Variants in GRK7 observed in about 807,000 individuals in gnomAD.
GRK7 encodes the protein G protein-coupled receptor kinase 7, also known as rhodopsin kinase GRK7.
A neutral mutation model predicts 34.1 loss-of-function variants in GRK7; 24 were observed. That is an observed-to-expected ratio of 0.70 (90% CI 0.51 to 0.99). The LOEUF is 0.99. Ranked by LOEUF, GRK7 falls within the 50% of genes least tolerant of loss-of-function variation. The pLI, the probability that GRK7 is intolerant of heterozygous loss-of-function variation, is 0.00. For missense variants in GRK7, 644 were observed against 707.3 expected, an observed-to-expected ratio of 0.91 and a Z score of 1.02; for synonymous variants, 256 against 279.4, an observed-to-expected ratio of 0.92 and a Z score of 0.84.
the GRK7 span, among the ~76,000 whole-genome samples, chr3:141,750,029 AG>A: frequency 1.3e-5 from 2 of 151,616 alleles, no homozygotes; most frequent in Non-Finnish European, 2.9e-5. Context: ...AAAAAAAAAA[AG>A]AAATATGAAT....
At chr3:141,773,707 C>T (rs996714136) in intron 1 of GRK7, among the ~76,000 whole-genome samples, 1 of 152,178 alleles carries the variant, frequency 6.6e-6, no homozygotes, top group African/African-American at 2.4e-5. Context: ...AGCCACCGCG[C>T]CCGGCCTGAT....
chr3:141,808,681 C>G (rs1559848008), intron 5 of GRK7, among the ~76,000 whole-genome samples: 2 of 151,932 alleles, frequency 1.3e-5, no homozygotes, highest in South Asian at 4.1e-4. Flanking sequence ...CCACTGCACT[C>G]CAGCCTGGGT....
intron 2 of GRK7, among the ~76,000 whole-genome samples, chr3:141,777,105 C>T (rs1454245533): frequency 6.6e-6 from 1 of 151,972 alleles, no homozygotes; most frequent in Non-Finnish European, 1.5e-5. Flanking sequence ...TGGCTCCACG[C>T]GAAGGCTCCT....
intron 4 of GRK7, among the ~76,000 whole-genome samples, chr3:141,806,378 C>T (rs772975000): frequency 6.6e-6 from 1 of 152,050 alleles, no homozygotes; most frequent in Non-Finnish European, 1.5e-5. Context: ...GCCTGGCCAA[C>T]ATGGTGAAAC....
chr3:141,767,792 A>AC (rs1345315084), intron 1 of GRK7, among the ~76,000 whole-genome samples: 1 of 152,052 alleles, frequency 6.6e-6, no homozygotes, highest in Non-Finnish European at 1.5e-5. Flanking sequence ...AGATTCTTTT[A>AC]CCCCCAAGCT....
At chr3:141,807,589 A>T in intron 4 of GRK7, 56 bp from the exon 5 acceptor site, 1 of 1,493,768 alleles carries the variant, frequency 6.7e-7, no homozygotes, top group Non-Finnish European at 9.3e-7. Flanking sequence ...TGTCTGCTAC[A>T]CTCACCTTAG....
Position 141,778,822 on chromosome 3 carries a change from C to T in GRK7, c.538C>T (p.Leu180Phe). The T allele has an allele frequency of 6.2e-7, 1 of 1,611,768 alleles. No homozygotes were observed. ...CTACGACAAGTTTCTGCAGTGGAAA[C>T]TCTTCGAGATGCAACCAGTGTCAGA... ...AFYDKFLQWK[L>F]FEMQPVSDKY... The change falls in exon 3 of 6, where the codon CTC becomes TTC. Residue 180 changes from leucine (L) to phenylalanine (F), a missense_variant. By Grantham distance (22) the Leu-to-Phe change is conservative. Transcript: ENST00000682958. This position sits in a 1 kb window ranked among gnomAD's most constrained non-coding sequence, Gnocchi z 4.1.
chr3:141,782,265 T>C (rs2084675347), intron 4 of GRK7, among the ~76,000 whole-genome samples: 1 of 152,198 alleles, frequency 6.6e-6, no homozygotes, highest in African/African-American at 2.4e-5. Context: ...TGGGGGTCTG[T>C]ACAGGACAGT....
intron 1 of GRK7, among the ~76,000 whole-genome samples, chr3:141,769,109 C>G (rs2084603867): frequency 6.6e-6 from 1 of 152,154 alleles, no homozygotes; most frequent in Non-Finnish European, 1.5e-5. Flanking sequence ...CCAGACCCTT[C>G]TATCCCACTG....
At chr3:141,810,170 A>C (rs1204394913) in intron 5 of GRK7, among the ~76,000 whole-genome samples, 4 of 152,206 alleles carry the variant, frequency 2.6e-5, no homozygotes, top group African/African-American at 9.6e-5. Context: ...CTTTGGAGTC[A>C]AACTGCAATC....
At chr3:141,768,635 C>T (rs562377096) in intron 1 of GRK7, among the ~76,000 whole-genome samples, 7 of 152,076 alleles carry the variant, frequency 4.6e-5, no homozygotes, top group African/African-American at 1.2e-4. Flanking sequence ...TCCCATCTCT[C>T]GCAACCCCTC....
At chr3:141,756,194 C>G in the GRK7 span, among the ~76,000 whole-genome samples, 1 of 152,010 alleles carries the variant, frequency 6.6e-6, no homozygotes, top group Non-Finnish European at 1.5e-5. Flanking sequence ...TGCCTGTGAT[C>G]CTAGCTACTC....
At chr3:141,774,982 G>A (rs913989288) in intron 2 of GRK7, among the ~76,000 whole-genome samples, 5 of 151,910 alleles carry the variant, frequency 3.3e-5, no homozygotes, top group African/African-American at 9.7e-5. Flanking sequence ...TAGCAGAGAC[G>A]GGGTTTCGCC....
chr3:141,776,801 CCT>C (rs201666220), intron 2 of GRK7, among the ~76,000 whole-genome samples: 2 of 151,756 alleles, frequency 1.3e-5, no homozygotes, highest in African/African-American at 4.9e-5. Flanking sequence ...CCTCCTTCTC[CCT>C]CTCTCTTTTT....
intron 4 of GRK7, among the ~76,000 whole-genome samples, chr3:141,800,164 G>T (rs1458415626): frequency 2.6e-5 from 4 of 152,076 alleles, no homozygotes; most frequent in Non-Finnish European, 5.9e-5. Context: ...AGAGCTGTGG[G>T]AAGTGAAATA....
chr3:141,755,142 T>G, the GRK7 span, among the ~76,000 whole-genome samples: 1 of 152,212 alleles, frequency 6.6e-6, no homozygotes, highest in Admixed American at 6.5e-5. Context: ...ATGTGGTGGC[T>G]TTTACAAATA....
Position 141,778,734 on chromosome 3 carries a change from C to T in GRK7, c.450C>T (p.Ala150=), listed in dbSNP as rs760853907. The T allele has an allele frequency of 2.5e-6, 4 of 1,611,346 alleles. No homozygotes were observed. The East Asian group carries it at 6.7e-5, about 27-fold the overall frequency. ...EEERVAAVTL[A]KAEAMAFLQE... is the part of the protein sequence containing the mutation. ...AGCGAGTGGCTGCAGTGACGCTGGC[C>T]AAGGCTGAGGCCATGGCTTTCTTGC... is the stretch of plus-strand genomic sequence containing the variant. The change falls in exon 3 of 6, where the codon GCC becomes GCT. Residue 150 remains alanine, a synonymous_variant. Transcript: ENST00000682958. The surrounding 1 kb of genome is among the most constrained non-coding windows in gnomAD (Gnocchi z 4.1).
At chr3:141,769,623 A>G (rs534859158) in intron 1 of GRK7, among the ~76,000 whole-genome samples, 1 of 152,220 alleles carries the variant, frequency 6.6e-6, no homozygotes, top group African/African-American at 2.4e-5. Context: ...TCTGATCTGT[A>G]TCTGCAGGGA....
At chr3:141,804,454 C>T (rs1711002563) in intron 4 of GRK7, among the ~76,000 whole-genome samples, 1 of 152,152 alleles carries the variant, frequency 6.6e-6, no homozygotes, top group African/African-American at 2.4e-5. Context: ...ATCTCTTGCA[C>T]ATGCTCATTA....
Sources: allele counts gnomAD v4.1 joint callset (sites outside exome capture counted in the v4.1 genomes callset), GRCh38; gene constraint gnomAD v4.1.1; non-coding constraint Gnocchi (gnomAD v3.1); transcripts MANE v1.5; gene names NCBI Gene and HGNC (gene_info 2026-07-23, HGNC 2026-07-21).